Variants in EFCAB5 observed in about 807,000 individuals in gnomAD.
EFCAB5 encodes EF-hand calcium-binding domain-containing protein 5.
EFCAB5 carries 131 observed loss-of-function variants against 167.9 expected under a neutral mutation model. The ratio of observed to expected loss-of-function variants is 0.78; its 90% CI spans 0.68 to 0.90. The LOEUF is 0.90. Among genes scored for constraint, EFCAB5 ranks in the 40% least tolerant of loss-of-function variants. EFCAB5 has a pLI of 0.00. For synonymous variants in EFCAB5, 574 were observed against 602.8 expected, an observed-to-expected ratio of 0.95 and a Z score of 0.70; for missense variants, 1,663 against 1,745.2, an observed-to-expected ratio of 0.95 and a Z score of 0.84.
intron 3 of EFCAB5, among the ~76,000 whole-genome samples, chr17:29,966,935 G>A (rs2067841572): frequency 6.6e-6 from 1 of 151,502 alleles, no homozygotes; most frequent in Non-Finnish European, 1.5e-5. Context: ...TACAACATGA[G>A]CCCAATCCTA....
At chr17:29,932,498 C>T (rs1485599491) in intron 1 of EFCAB5, among the ~76,000 whole-genome samples, 2 of 141,588 alleles carry the variant, frequency 1.4e-5, no homozygotes, top group Non-Finnish European at 3.0e-5. Context: ...TCTTGTTGCC[C>T]AGGCTGGAGT....
chr17:29,996,278 G>T (rs746355139), intron 5 of EFCAB5, 34 bp from the exon 6 acceptor site: 17 of 1,518,010 alleles, frequency 1.1e-5, no homozygotes, highest in South Asian at 7.4e-5. Flanking sequence ...AGTGGCATAT[G>T]GTTTCTTTCT....
chr17:29,951,231 A>C (rs1314011800), intron 3 of EFCAB5, among the ~76,000 whole-genome samples: 1 of 152,234 alleles, frequency 6.6e-6, no homozygotes, highest in African/African-American at 2.4e-5. Context: ...TTGGCTTTTC[A>C]AGGGTTTCTT....
chr17:29,969,226 A>G lies in EFCAB5; in HGVS notation c.626A>G (p.Asp209Gly), dbSNP rs1392568409. ...LTEADTPSKF[D>G]PINYLGEYLI... is the part of the protein sequence containing the mutation. ...GAAGCTGATACTCCAAGCAAGTTTG[A>G]CCCAATTAATTATTTGGGGGAATAT... The change falls in exon 4 of 23, where the codon GAC becomes GGC. Residue 209 changes from aspartate to glycine, a missense_variant. By Grantham distance (94) the Asp-to-Gly change is moderately conservative. Coordinates refer to ENST00000394835, the MANE Select transcript of EFCAB5 (RefSeq NM_198529.4). The G allele has an allele frequency of 1.1e-5, 17 of 1,613,740 alleles. No homozygotes were observed. The highest frequency in any genetic ancestry group is 1.4e-5 in the Non-Finnish European group (17 of 1,179,828).
intron 14 of EFCAB5, among the ~76,000 whole-genome samples, chr17:30,063,844 C>T (rs2093852466): frequency 6.6e-6 from 1 of 152,152 alleles, no homozygotes; most frequent in South Asian, 2.1e-4. Flanking sequence ...ACATATGCCG[C>T]TGCTGCTGCT....
At chr17:29,981,670 T>C (rs1281387376) in intron 4 of EFCAB5, among the ~76,000 whole-genome samples, 1 of 152,214 alleles carries the variant, frequency 6.6e-6, no homozygotes, top group Non-Finnish European at 1.5e-5. Context: ...CCTATTCCAG[T>C]CTGCCTTAAT....
chr17:30,046,513 G>A (rs1398105450), intron 8 of EFCAB5, among the ~76,000 whole-genome samples: 4 of 152,110 alleles, frequency 2.6e-5, no homozygotes, highest in Admixed American at 6.5e-5. Context: ...GGGCAGATAC[G>A]GATGAAAAAT....
At chr17:30,086,566 T>A (rs2071091992) in intron 18 of EFCAB5, among the ~76,000 whole-genome samples, 1 of 150,846 alleles carries the variant, frequency 6.6e-6, no homozygotes, top group African/African-American at 2.4e-5. Context: ...GCCAACATGG[T>A]TAAACCCTGT....
intron 3 of EFCAB5, among the ~76,000 whole-genome samples, chr17:29,956,205 G>A (rs187061266): frequency 6.6e-6 from 1 of 152,276 alleles, no homozygotes; most frequent in Non-Finnish European, 1.5e-5. Context: ...TTGTAATATA[G>A]TTATACAATA....
intron 6 of EFCAB5, among the ~76,000 whole-genome samples, chr17:29,999,326 G>T (rs536046439): frequency 6.6e-6 from 1 of 152,006 alleles, no homozygotes; most frequent in Non-Finnish European, 1.5e-5. Flanking sequence ...ATATACATTT[G>T]TATACATACA....
At chr17:30,013,384 C>G (rs556235485) in intron 7 of EFCAB5, among the ~76,000 whole-genome samples, 1 of 152,230 alleles carries the variant, frequency 6.6e-6, no homozygotes, top group South Asian at 2.1e-4. Flanking sequence ...ATGGTACCAG[C>G]TCCTCTTTGT....
At chr17:30,004,129 G>A (rs112714250) in intron 7 of EFCAB5, among the ~76,000 whole-genome samples, 2,609 of 152,312 alleles carry the variant, frequency 0.017, 76 homozygotes, top group African/African-American at 0.058. Flanking sequence ...CTCATAAGGC[G>A]TGAATTATTG....
At chr17:30,050,877 C>G (rs936698650) in intron 8 of EFCAB5, among the ~76,000 whole-genome samples, 1 of 152,160 alleles carries the variant, frequency 6.6e-6, no homozygotes, top group Non-Finnish European at 1.5e-5. Flanking sequence ...AAGTCAGTCA[C>G]AAATATTTCT....
Position 30,080,832 on chromosome 17 carries a change from T to A in EFCAB5, c.3277T>A (p.Ser1093Thr). ...TGGGAACATCTTCTTCTGGAACCAGTCCCGTAATAAGCATGATTATAATGG... is the reference window on the plus strand; with the variant it reads ...TGGGAACATCTTCTTCTGGAACCAGACCCGTAATAAGCATGATTATAATGG... ...YHGNIFFWNQ[S>T]RNKHDYNGSF... Residue 1093 changes from serine (S) to threonine (T), a missense_variant, in exon 17 of 23, where the codon TCC becomes ACC. Coordinates refer to ENST00000394835, the MANE Select transcript of EFCAB5 (RefSeq NM_198529.4). 6.2e-7 allele frequency: 1 copy of A among 1,613,772 alleles called. No individual in the cohort carries two copies. Among genetic ancestry groups the A allele is most frequent in the Non-Finnish European group, 8.5e-7 (1 of 1,179,808 alleles).
At chr17:30,102,354 T>C (rs917373814) in intron 22 of EFCAB5, among the ~76,000 whole-genome samples, 1 of 152,110 alleles carries the variant, frequency 6.6e-6, no homozygotes, top group African/African-American at 2.4e-5. Flanking sequence ...TCATTGGTTT[T>C]ATGTCTTCTT....
chr17:30,030,769 C>T (rs973029081), intron 7 of EFCAB5, among the ~76,000 whole-genome samples: 1 of 151,930 alleles, frequency 6.6e-6, no homozygotes, highest in Non-Finnish European at 1.5e-5. Flanking sequence ...GTGATCCTCC[C>T]ACCTCAGCCT....
At chr17:29,959,914 C>T (rs1271731511) in intron 3 of EFCAB5, among the ~76,000 whole-genome samples, 1 of 152,126 alleles carries the variant, frequency 6.6e-6, no homozygotes, top group Non-Finnish European at 1.5e-5. Flanking sequence ...CCAGGAACTA[C>T]AGTCCTTATA....
intron 14 of EFCAB5, chr17:30,068,688 C>A (rs2070645952): frequency 3.2e-6 from 5 of 1,576,464 alleles, no homozygotes; most frequent in Non-Finnish European, 4.3e-6. Context: ...AGACGCAGAA[C>A]AAGGCACTGG....
At chr17:30,039,640 G>T (rs150007960) in intron 8 of EFCAB5, among the ~76,000 whole-genome samples, 1 of 152,250 alleles carries the variant, frequency 6.6e-6, no homozygotes, top group East Asian at 1.9e-4. Flanking sequence ...CTGGACCTCC[G>T]AGGAGGGATG....
Sources: allele counts gnomAD v4.1 joint callset (sites outside exome capture counted in the v4.1 genomes callset), GRCh38; gene constraint gnomAD v4.1.1; transcripts MANE v1.5; gene names NCBI Gene and HGNC (gene_info 2026-07-23, HGNC 2026-07-21).